Variants in RBFOX1 observed in about 807,000 individuals in gnomAD.
RBFOX1 encodes the protein RNA binding fox-1 homolog 1.
In RBFOX1, 8 loss-of-function variants were observed where a neutral mutation model predicts 57.7. The observed-to-expected ratio is 0.14, with a 90% CI of 0.08 to 0.25. The LOEUF is 0.25. RBFOX1 is among the 10% of genes least tolerant of loss of function. RBFOX1 has a pLI of 1.00. For missense variants in RBFOX1, 611 were observed against 548.5 expected (o/e 1.11, Z -1.14); for synonymous variants, 326 against 222.4 (o/e 1.47, Z -4.15).
At chr16:6,992,743 A>G (rs875017) in intron 3 of RBFOX1, among the ~76,000 whole-genome samples, 112,913 of 151,186 alleles carry the variant, frequency 0.75, 42,341 homozygotes, top group East Asian at 0.79. Context: ...CCAAGAGGTC[A>G]CATGATCTAC....
At chr16:5,433,984 A>G (rs920769082) in intron 1 of RBFOX1, among the ~76,000 whole-genome samples, 1 of 148,484 alleles carries the variant, frequency 6.7e-6, no homozygotes, top group Non-Finnish European at 1.5e-5. Flanking sequence ...TTTGTTAACC[A>G]CTCCTGGGTC....
At chr16:5,556,140 T>C (rs1344967980) in intron 2 of RBFOX1, among the ~76,000 whole-genome samples, 2 of 152,240 alleles carry the variant, frequency 1.3e-5, no homozygotes, top group East Asian at 3.8e-4. Flanking sequence ...ATTGAGGAAA[T>C]ATGAACACAC....
chr16:6,511,636 C>A (rs1423246593), intron 2 of RBFOX1, among the ~76,000 whole-genome samples: 1 of 152,114 alleles, frequency 6.6e-6, no homozygotes, highest in Non-Finnish European at 1.5e-5. Context: ...AAAGAGGGAG[C>A]TTTAATATTT....
chr16:5,942,071 A>G (rs925566570), intron 4 of RBFOX1, among the ~76,000 whole-genome samples: 17 of 152,190 alleles, frequency 1.1e-4, no homozygotes, highest in African/African-American at 3.4e-4. Context: ...ATTATCCTAG[A>G]CCAGCCTGTA....
intron 3 of RBFOX1, among the ~76,000 whole-genome samples, chr16:7,035,849 T>G (rs2044245150): frequency 6.6e-6 from 1 of 152,052 alleles, no homozygotes; most frequent in Admixed American, 6.6e-5. Context: ...CCAGCACTCC[T>G]TCCATTAAGC....
intron 4 of RBFOX1, among the ~76,000 whole-genome samples, chr16:7,260,982 A>G (rs931469846): frequency 6.6e-6 from 1 of 152,182 alleles, no homozygotes; most frequent in African/African-American, 2.4e-5. Context: ...GTTCATGGCA[A>G]AAGATTTGAG....
At chr16:5,521,875 G>A (rs912403481) in intron 2 of RBFOX1, among the ~76,000 whole-genome samples, 2 of 152,152 alleles carry the variant, frequency 1.3e-5, no homozygotes, top group African/African-American at 2.4e-5. Flanking sequence ...AGAACTTGAC[G>A]AGTCATGAGT....
intron 3 of RBFOX1, among the ~76,000 whole-genome samples, chr16:6,845,894 C>T (rs910294538): frequency 1.3e-5 from 2 of 152,210 alleles, no homozygotes; most frequent in Admixed American, 6.5e-5. Flanking sequence ...TTATATCTCA[C>T]TTTAAATGTC....
At chr16:6,916,280 C>G (rs577804118) in intron 3 of RBFOX1, among the ~76,000 whole-genome samples, 19 of 152,114 alleles carry the variant, frequency 1.2e-4, no homozygotes, top group Non-Finnish European at 2.6e-4. Context: ...ACTGTTGTTT[C>G]CACAGGATAC....
At chr16:7,217,052 C>CCTCT (rs1376785906) in intron 4 of RBFOX1, among the ~76,000 whole-genome samples, 5 of 111,508 alleles carry the variant, frequency 4.5e-5, no homozygotes, top group African/African-American at 1.5e-4. Context: ...TCCCTCCCTC[C>CCTCT]CTCTCTCTCC....
intron 2 of RBFOX1, among the ~76,000 whole-genome samples, chr16:6,392,325 C>T (rs569398272): frequency 8.5e-5 from 13 of 152,260 alleles, no homozygotes; most frequent in Admixed American, 3.3e-4. Flanking sequence ...AATATTTACA[C>T]GGTTTTTCTA....
chr16:7,587,026 T>A (rs1486225657), intron 6 of RBFOX1, among the ~76,000 whole-genome samples: 1 of 152,218 alleles, frequency 6.6e-6, no homozygotes, highest in Non-Finnish European at 1.5e-5. Flanking sequence ...AACCTCTTGA[T>A]TAATATTTTG....
chr16:5,696,710 G>C (rs1207137509), intron 3 of RBFOX1, among the ~76,000 whole-genome samples: 1 of 152,130 alleles, frequency 6.6e-6, no homozygotes, highest in South Asian at 2.1e-4. Context: ...TACTTGAGGA[G>C]AGTTTACATT....
chr16:5,864,094 T>G (rs1408302088), intron 3 of RBFOX1, among the ~76,000 whole-genome samples: 3 of 152,176 alleles, frequency 2.0e-5, no homozygotes, highest in Non-Finnish European at 4.4e-5. Context: ...GTATTGTTCC[T>G]TTCTATGTGT....
At chr16:6,471,400 T>C (rs925477587) in intron 2 of RBFOX1, among the ~76,000 whole-genome samples, 2 of 152,208 alleles carry the variant, frequency 1.3e-5, no homozygotes, top group Non-Finnish European at 2.9e-5. Context: ...CTAGTTTCTA[T>C]TATAATACTT....
At chr16:5,849,646 G>A (rs186609988) in intron 3 of RBFOX1, among the ~76,000 whole-genome samples, 130 of 152,242 alleles carry the variant, frequency 8.5e-4, no homozygotes, top group African/African-American at 2.2e-3. Flanking sequence ...GACTGCTCAC[G>A]GAGGCTGCTC....
At chr16:7,259,978 A>C (rs1220502447) in intron 4 of RBFOX1, among the ~76,000 whole-genome samples, 1 of 152,122 alleles carries the variant, frequency 6.6e-6, no homozygotes, top group Non-Finnish European at 1.5e-5. Context: ...TTCAGGCTCA[A>C]GTAGTTGATC....
chr16:6,711,613 C>T lies in RBFOX1; in HGVS notation c.-16+56963C>T, dbSNP rs113152376. 2.8e-3 allele frequency among the ~76,000 whole-genome samples: 425 copies of T among 152,264 alleles called. 3 individuals are homozygous for T. The highest frequency in any genetic ancestry group is 9.8e-3 in the African/African-American group (409 of 41,566). On this transcript the variant is annotated intron_variant, in intron 3 of 15. Transcript: ENST00000550418. ...TAAGACATGCCTTACTTCCCCTTCG[C>T]CTTCCACCATGATTGTAAGTTTCTC...
At chr16:7,667,091 A>C (rs1458274179) in intron 13 of RBFOX1, among the ~76,000 whole-genome samples, 1 of 152,232 alleles carries the variant, frequency 6.6e-6, no homozygotes, top group African/African-American at 2.4e-5. Flanking sequence ...ATATGCAATC[A>C]GGTGGCAGAA....
Sources: allele counts gnomAD v4.1 joint callset (sites outside exome capture counted in the v4.1 genomes callset), GRCh38; gene constraint gnomAD v4.1.1; transcripts MANE v1.5; gene names NCBI Gene and HGNC (gene_info 2026-07-23, HGNC 2026-07-21).